Variants in TGFBR1 observed in about 807,000 individuals in gnomAD.
The protein encoded by TGFBR1 is transforming growth factor beta receptor 1.
A neutral mutation model predicts 55.1 loss-of-function variants in TGFBR1; 20 were observed. The ratio of observed to expected loss-of-function variants is 0.36; its 90% CI spans 0.26 to 0.53. The LOEUF is 0.53. Ranked by LOEUF, TGFBR1 falls within the 20% of genes least tolerant of loss-of-function variation. The probability of loss-of-function intolerance (pLI) is 0.91; values close to 1 mark genes in which losing one functional copy is unlikely to be tolerated. For synonymous variants in TGFBR1, 220 were observed against 214.8 expected, an observed-to-expected ratio of 1.02 and a Z score of -0.21; for missense variants, 385 against 617.6, an observed-to-expected ratio of 0.62 and a Z score of 3.99.
At chr9:99,144,709 A>G (rs1827736539) in intron 5 of TGFBR1, 23 bp from the exon 6 acceptor site, 3 of 1,613,176 alleles carry the variant, frequency 1.9e-6, no homozygotes, top group African/African-American at 1.3e-5. Context: ...TTAAGCAGTC[A>G]TGTTTAATTT....
chr9:99,136,708 A>T (rs2118692054), intron 3 of TGFBR1, among the ~76,000 whole-genome samples: 1 of 152,272 alleles, frequency 6.6e-6, no homozygotes, highest in African/African-American at 2.4e-5. Flanking sequence ...ACTTAAGAAG[A>T]AGAGCTTCTG....
chr9:99,116,944 A>G (rs1019056732), intron 1 of TGFBR1, among the ~76,000 whole-genome samples: 3 of 152,232 alleles, frequency 2.0e-5, no homozygotes, highest in African/African-American at 7.2e-5. Flanking sequence ...AAAATATTAT[A>G]AAAATGCAAA....
In TGFBR1 at chr9:99,138,470, G is replaced by A. The variant is rs551472958; in HGVS notation, c.805+381G>A. Among the ~76,000 whole-genome samples, 10 of 152,290 alleles carry A rather than the reference G, an allele frequency of 6.6e-5. No individual in the cohort carries two copies. The South Asian group carries it at 1.9e-3, about 28-fold the overall frequency. Reference sequence around the variant, plus strand: ...AGCTGTTTCCTTTTAATCTCTTCCTGACCAGTAGGATGTTTCAATATGGAC... The same window carrying A: ...AGCTGTTTCCTTTTAATCTCTTCCTAACCAGTAGGATGTTTCAATATGGAC... On this transcript the variant is annotated intron_variant, in intron 4 of 8. Coordinates refer to ENST00000374994, the MANE Select transcript of TGFBR1 (RefSeq NM_004612.4).
chr9:99,140,871 G>T (rs963645995), intron 4 of TGFBR1, among the ~76,000 whole-genome samples: 11 of 152,176 alleles, frequency 7.2e-5, no homozygotes, highest in African/African-American at 2.7e-4. Flanking sequence ...GTGAGTCTGT[G>T]CCCTGAACTT....
In TGFBR1 at chr9:99,128,625, C is replaced by A. The variant is rs756965779; in HGVS notation, c.98-230C>A. 2.1e-5 allele frequency: 14 copies of A among 654,516 alleles called. No homozygotes were observed. The South Asian group carries it at 2.2e-4, about 10-fold the overall frequency. The allele number at this position is 654,516 out of a possible 1,614,324, so 40.5% of individuals were successfully genotyped here. On this transcript the variant is annotated intron_variant, in intron 1 of 8. Coordinates refer to ENST00000374994, the MANE Select transcript of TGFBR1 (RefSeq NM_004612.4). ...GGAAGCAAAAAACTTCAGGAAAAAA[C>A]CTGGGTCCAAATGTTGCTACATTTC...
At chr9:99,142,807 C>T in intron 5 of TGFBR1, 104 bp downstream of exon 5, 2 of 1,351,914 alleles carry the variant, frequency 1.5e-6, no homozygotes, top group Middle Eastern at 1.9e-4. Flanking sequence ...GCCTATAATC[C>T]CAGCACTTTG....
upstream of TGFBR1, among the ~76,000 whole-genome samples, chr9:99,104,875 G>C (rs36204372): frequency 1.4e-4 from 21 of 152,196 alleles, no homozygotes; most frequent in African/African-American, 4.8e-4. Flanking sequence ...TCTCGGAGCC[G>C]GGAGCCGATC....
At chr9:99,123,587 C>T (rs920567043) in intron 1 of TGFBR1, among the ~76,000 whole-genome samples, 10 of 152,068 alleles carry the variant, frequency 6.6e-5, no homozygotes, top group African/African-American at 1.4e-4. Flanking sequence ...GATTCACATC[C>T]GCCTGTAATC....
At chr9:99,132,188 A>G (rs1827251282) in intron 2 of TGFBR1, among the ~76,000 whole-genome samples, 1 of 152,170 alleles carries the variant, frequency 6.6e-6, no homozygotes, top group South Asian at 2.1e-4. Flanking sequence ...GTATTGTTAC[A>G]GGTTATTGGT....
chr9:99,123,838 C>G (rs1383888176), intron 1 of TGFBR1, among the ~76,000 whole-genome samples: 1 of 152,120 alleles, frequency 6.6e-6, no homozygotes, highest in African/African-American at 2.4e-5. Flanking sequence ...CACATTGGCA[C>G]AATGCCATTT....
Position 99,105,311 on chromosome 9 carries a change from C to A in TGFBR1, c.97+9C>A. 1 of 981,666 alleles carries A rather than the reference C, an allele frequency of 1.0e-6. No homozygotes were observed. Among genetic ancestry groups the A allele is most frequent in the Non-Finnish European group, 1.2e-6 (1 of 829,030 alleles). 60.8% of individuals were successfully genotyped at this position (981,666 alleles called of 1,614,324 possible). On this transcript the variant is annotated intron_variant, in intron 1 of 8. Transcript: ENST00000374994. ...GCTCCCGGGGGCGACGGGTGAGCGGCGGCGCGGCGGGCGGGCGACTGCGGG... is the reference window on the plus strand; with the variant it reads ...GCTCCCGGGGGCGACGGGTGAGCGGAGGCGCGGCGGGCGGGCGACTGCGGG...
intron 1 of TGFBR1, chr9:99,127,883 T>A: frequency 2.2e-6 from 1 of 451,538 alleles, no homozygotes; most frequent in Non-Finnish European, 4.4e-6. Context: ...ATTTTTTGAA[T>A]GCTGCTGTGC....
chr9:99,121,572 C>T (rs1826900619), intron 1 of TGFBR1, among the ~76,000 whole-genome samples: 1 of 152,076 alleles, frequency 6.6e-6, no homozygotes, highest in Admixed American at 6.6e-5. Flanking sequence ...AAGGGGCTGA[C>T]ATTAGTCCCT....
intron 1 of TGFBR1, among the ~76,000 whole-genome samples, chr9:99,120,523 AG>A (rs919008666): frequency 1.3e-5 from 2 of 152,228 alleles, no homozygotes; most frequent in African/African-American, 4.8e-5. Flanking sequence ...CACACTATAC[AG>A]CTTTACTTCC....
In TGFBR1 at chr9:99,105,273, C is replaced by A; in HGVS notation, c.68C>A (p.Ala23Glu). The A allele has an allele frequency of 9.8e-7, 1 of 1,017,432 alleles. No individual in the cohort carries two copies. Among genetic ancestry groups the A allele is most frequent in the East Asian group, 9.2e-5 (1 of 10,850 alleles). 63.0% of individuals were successfully genotyped at this position (1,017,432 alleles called of 1,614,324 possible). ...CTCGTGCTGGCGGCGGCGGCGGCGG[C>A]GGCGGCGGCGCTGCTCCCGGGGGCG... ...LLLVLAAAAA[A>E]AAALLPGATA... Residue 23 changes from alanine (A) to glutamate (E), a missense_variant, in exon 1 of 9, where the codon GCG becomes GAG. By Grantham distance (107) the Ala-to-Glu change is moderately radical (BLOSUM62 -1). Around this residue, in one of 5 missense-constraint regions of TGFBR1, gnomAD observed 37 missense variants for 40.2 expected, o/e 0.92. Coordinates refer to ENST00000374994, the MANE Select transcript of TGFBR1 (RefSeq NM_004612.4).
chr9:99,108,311 T>TTAGGCATTTTGCCTAATTCA (rs1826472650), intron 1 of TGFBR1, among the ~76,000 whole-genome samples: 1 of 152,198 alleles, frequency 6.6e-6, no homozygotes, highest in Admixed American at 6.5e-5. Context: ...ATTCATGAGA[T>TTAGGCATTTTGCCTAATTCA]TGTGAAGATC....
intron 5 of TGFBR1, among the ~76,000 whole-genome samples, chr9:99,143,520 C>G (rs1827693091): frequency 6.6e-6 from 1 of 152,234 alleles, no homozygotes; most frequent in Non-Finnish European, 1.5e-5. Flanking sequence ...CAGTATATCT[C>G]TCTGCTCTAG....
chr9:99,115,920 G>T (rs888495254), intron 1 of TGFBR1, among the ~76,000 whole-genome samples: 1 of 152,190 alleles, frequency 6.6e-6, no homozygotes, highest in Non-Finnish European at 1.5e-5. Flanking sequence ...GTCTGGTCAT[G>T]TTTGTCAGTG....
chr9:99,142,801 A>G (rs1026912295), intron 5 of TGFBR1, 98 bp downstream of exon 5: 17 of 1,384,594 alleles, frequency 1.2e-5, no homozygotes, highest in African/African-American at 1.1e-4. Flanking sequence ...GCTCATGCCT[A>G]TAATCCCAGC....
Sources: gnomAD v4.1 joint callset for allele counts (sites outside exome capture counted in the v4.1 genomes callset) on GRCh38, gnomAD v4.1.1 for gene constraint, gnomAD v4.1.1 regional missense constraint, MANE v1.5 for transcripts, NCBI Gene and HGNC (gene_info 2026-07-23, HGNC 2026-07-21) for gene names.